SLC38A11: variants seen among roughly 807,000 people sequenced by gnomAD.
SLC38A11 encodes solute carrier family 38 member 11.
Under a neutral mutation model 49.4 loss-of-function variants are expected in SLC38A11, and 51 were observed. That is an observed-to-expected ratio of 1.03 (90% CI 0.83 to 1.30). The LOEUF is 1.30. SLC38A11 is among the 50% of genes most tolerant of loss of function. The pLI is 0.00. For missense variants in SLC38A11, 574 were observed against 556.2 expected (o/e 1.03, Z -0.32); for synonymous variants, 203 against 192.9 (o/e 1.05, Z -0.43).
intron 7 of SLC38A11, among the ~76,000 whole-genome samples, chr2:164,927,632 A>G (rs1686693128): frequency 6.6e-6 from 1 of 152,078 alleles, no homozygotes; most frequent in South Asian, 2.1e-4. Context: ...ATTTCTGCCA[A>G]CAGTATCTTC....
Position 164,945,676 on chromosome 2 carries a change from G to T in SLC38A11, c.281C>A (p.Thr94Asn). The change falls in exon 4 of 12, where the codon ACC becomes AAC. Residue 94 changes from threonine to asparagine, a missense_variant. Transcript: ENST00000685975. ...AGTTTTATTGACCAAAGACTGGTAG[G>T]TATCTGTTCCAGAGAGGGCCCCTCC... ...IKGGALSGTD[T>N]YQSLVNKTFG... 1 of 1,611,878 alleles carries T rather than the reference G, an allele frequency of 6.2e-7. No homozygotes were observed. Among genetic ancestry groups the T allele is most frequent in the Non-Finnish European group, 8.5e-7 (1 of 1,179,566 alleles).
intron 7 of SLC38A11, among the ~76,000 whole-genome samples, chr2:164,918,644 G>A (rs1004172959): frequency 1.3e-5 from 2 of 152,118 alleles, no homozygotes; most frequent in Admixed American, 1.3e-4. Context: ...AATAAAATAA[G>A]TGATGTGTAA....
chr2:164,904,126 C>T (rs915953110), intron 11 of SLC38A11, among the ~76,000 whole-genome samples: 1 of 152,108 alleles, frequency 6.6e-6, no homozygotes, highest in East Asian at 1.9e-4. Flanking sequence ...TTGCTTTCTT[C>T]CTTCCACTGT....
chr2:164,945,254 G>GT (rs1418865694), intron 4 of SLC38A11, among the ~76,000 whole-genome samples: 4 of 123,242 alleles, frequency 3.2e-5, no homozygotes, highest in Admixed American at 1.6e-4. Flanking sequence ...CAAATCCTTT[G>GT]CTTTTTTTTT....
chr2:164,921,701 A>G lies in SLC38A11; in HGVS notation c.618-5728T>C, dbSNP rs76308544. 3.4e-3 allele frequency among the ~76,000 whole-genome samples: 522 copies of G among 152,300 alleles called. 9 individuals are homozygous for G. The highest frequency in any genetic ancestry group is 0.012 in the African/African-American group (486 of 41,560). On this transcript the variant is annotated intron_variant, in intron 7 of 11. Transcript: ENST00000685975. ...CATAAAAGTAACATTGAAAAGAAGCAGTATTCCTTACAATACCTTAGGAAG... is the reference window on the plus strand; with the variant it reads ...CATAAAAGTAACATTGAAAAGAAGCGGTATTCCTTACAATACCTTAGGAAG...
intron 7 of SLC38A11, 151 bp downstream of exon 7, chr2:164,937,199 A>G: frequency 3.5e-6 from 2 of 577,470 alleles, no homozygotes; most frequent in South Asian, 4.6e-5. Flanking sequence ...ATGTTTACTG[A>G]CCTGTAATTA....
intron 6 of SLC38A11, among the ~76,000 whole-genome samples, chr2:164,938,901 A>G (rs990099585): frequency 6.6e-6 from 1 of 152,140 alleles, no homozygotes; most frequent in Non-Finnish European, 1.5e-5. Flanking sequence ...GAACTGAATA[A>G]TTATTTAATT....
At chr2:164,946,242 G>C (rs1468114407) in intron 3 of SLC38A11, among the ~76,000 whole-genome samples, 3 of 96,154 alleles carry the variant, frequency 3.1e-5, no homozygotes, top group Non-Finnish European at 7.4e-5. Flanking sequence ...TTATGGTTAA[G>C]AAAGAGACAC....
chr2:164,933,858 G>A (rs1177733708), intron 7 of SLC38A11, among the ~76,000 whole-genome samples: 1 of 152,088 alleles, frequency 6.6e-6, no homozygotes, highest in African/African-American at 2.4e-5. Context: ...GAAGTTGTTT[G>A]CAGTAGTATT....
intron 7 of SLC38A11, among the ~76,000 whole-genome samples, chr2:164,935,686 A>G (rs924850105): frequency 6.7e-6 from 1 of 150,022 alleles, no homozygotes; most frequent in Admixed American, 6.7e-5. Context: ...CTGTCTCTTA[A>G]AAAAAAAAGT....
intron 7 of SLC38A11, among the ~76,000 whole-genome samples, chr2:164,916,255 G>A (rs1017306563): frequency 1.3e-4 from 19 of 151,952 alleles, no homozygotes; most frequent in African/African-American, 4.6e-4. Context: ...TTGTTTATTT[G>A]CTCATCAATT....
At position 164,911,658 on chromosome 2, in the gene SLC38A11, A is replaced by T; in HGVS notation, c.941T>A (p.Met314Lys). The T allele has an allele frequency of 6.2e-7, 1 of 1,602,316 alleles. No homozygotes were observed. The highest frequency in any genetic ancestry group is 8.5e-7 in the Non-Finnish European group (1 of 1,173,380). Residue 314 changes from methionine to lysine, a missense_variant, in exon 10 of 12, where the codon ATG becomes AAG. Physicochemically the swap from Met to Lys is moderately conservative, Grantham distance 95 (BLOSUM62 -1). Coordinates refer to ENST00000685975, the MANE Select transcript of SLC38A11 (RefSeq NM_001351537.2). ...TACCTCTCTTGTCACAAAGCATTCC[A>T]TAGGGTATGTCAAAATGACAGTGAC... ...YGVTVILTYPMECFVTREVIA... is the reference protein window; with the variant it reads ...YGVTVILTYPKECFVTREVIA...
chr2:164,917,374 T>C (rs943306634), intron 7 of SLC38A11, among the ~76,000 whole-genome samples: 1 of 152,108 alleles, frequency 6.6e-6, no homozygotes, highest in Non-Finnish European at 1.5e-5. Context: ...TTCCCATATA[T>C]GAAACGAGCA....
chr2:164,928,435 A>G (rs2105482096), intron 7 of SLC38A11, among the ~76,000 whole-genome samples: 1 of 152,318 alleles, frequency 6.6e-6, no homozygotes, highest in Admixed American at 6.5e-5. Flanking sequence ...ACATAGATTC[A>G]TTCATGCATC....
At chr2:164,904,677 A>T (rs550639222) in intron 11 of SLC38A11, among the ~76,000 whole-genome samples, 1 of 152,348 alleles carries the variant, frequency 6.6e-6, no homozygotes, top group Non-Finnish European at 1.5e-5. Context: ...AAAGTTATTA[A>T]CTAAAAATTA....
At chr2:164,946,248 GAC>G in intron 3 of SLC38A11, among the ~76,000 whole-genome samples, 1 of 94,818 alleles carries the variant, frequency 1.1e-5, no homozygotes, top group Non-Finnish European at 2.5e-5. Context: ...TTAAGAAAGA[GAC>G]ACTCTATGAA....
At chr2:164,955,144 C>G in intron 1 of SLC38A11, 65 bp downstream of exon 1, 2 of 1,464,178 alleles carry the variant, frequency 1.4e-6, no homozygotes, top group Non-Finnish European at 1.9e-6. Flanking sequence ...GTGACCTGAC[C>G]TGTTGCAAGG....
intron 3 of SLC38A11, among the ~76,000 whole-genome samples, chr2:164,952,280 C>A (rs531504942): frequency 1.3e-5 from 2 of 152,140 alleles, no homozygotes; most frequent in East Asian, 3.9e-4. Flanking sequence ...TTGATGAGCC[C>A]TGCTGGTTGA....
chr2:164,914,480 G>A (rs1016171457), intron 9 of SLC38A11, among the ~76,000 whole-genome samples: 1 of 151,946 alleles, frequency 6.6e-6, no homozygotes, highest in Non-Finnish European at 1.5e-5. Flanking sequence ...CAACTGAGTA[G>A]AAACGTCCTA....
Sources: allele counts gnomAD v4.1 joint callset (sites outside exome capture counted in the v4.1 genomes callset), GRCh38; gene constraint gnomAD v4.1.1; transcripts MANE v1.5; gene names NCBI Gene and HGNC (gene_info 2026-07-23, HGNC 2026-07-21).